LRTM3: variants seen among roughly 807,000 people sequenced by gnomAD.
LRTM3 encodes leucine-rich repeat transmembrane protein 3.
chr13:102,738,566 T>C, the LRTM3 span: 3 of 1,550,790 alleles, frequency 1.9e-6, no homozygotes, highest in Admixed American at 2.0e-5. Context: ...TTTTTCCATT[T>C]TTTGCCTCTG....
the LRTM3 span, chr13:102,737,508 C>T: frequency 6.4e-7 from 1 of 1,550,588 alleles, no homozygotes; most frequent in Non-Finnish European, 8.7e-7. Context: ...TCCCTGTTCC[C>T]TTGCTCCTCA....
At chr13:102,737,554 T>C in the LRTM3 span, 1 of 1,550,934 alleles carries the variant, frequency 6.4e-7, no homozygotes, top group Non-Finnish European at 8.7e-7. Context: ...CCTGGCCTTC[T>C]CCATCCCTTT....
the LRTM3 span, chr13:102,743,768 T>C: frequency 6.5e-7 from 1 of 1,550,354 alleles, no homozygotes; most frequent in Non-Finnish European, 8.7e-7. Context: ...ATTGATTTTA[T>C]GTATCTGTGA....
At chr13:102,730,832 T>G in the LRTM3 span, 5 of 1,551,366 alleles carry the variant, frequency 3.2e-6, no homozygotes, top group African/African-American at 1.4e-5. Context: ...AAAACGAAGG[T>G]ATTTGTATTG....
chr13:102,756,241 C>T, the LRTM3 span, among the ~76,000 whole-genome samples: 3 of 150,550 alleles, frequency 2.0e-5, no homozygotes, highest in Admixed American at 6.6e-5. Context: ...CGTGAGCCAC[C>T]GTGTTACACA....
the LRTM3 span, among the ~76,000 whole-genome samples, chr13:102,751,600 C>A: frequency 1.3e-5 from 2 of 152,036 alleles, no homozygotes; most frequent in Non-Finnish European, 2.9e-5. Flanking sequence ...AGCCTAAAAT[C>A]AAAAACTGAA....
chr13:102,741,501 G>A, the LRTM3 span: 14 of 1,549,292 alleles, frequency 9.0e-6, 1 homozygote, highest in South Asian at 1.3e-4. Context: ...CCCAATACAT[G>A]TGAACTAATT....
the LRTM3 span, chr13:102,750,101 G>T: frequency 5.8e-6 from 9 of 1,550,796 alleles, no homozygotes; most frequent in Admixed American, 9.8e-5. Context: ...TTTCATCATT[G>T]AAAATAATTT....
the LRTM3 span, chr13:102,758,574 C>T: frequency 2.1e-5 from 33 of 1,545,802 alleles, no homozygotes; most frequent in African/African-American, 8.2e-5. Flanking sequence ...AACTGTCTTC[C>T]GTCTATTTTA....
At chr13:102,743,995 T>C in the LRTM3 span, 6 of 1,550,220 alleles carry the variant, frequency 3.9e-6, no homozygotes, top group African/African-American at 1.4e-5. Flanking sequence ...TTCTGTTAGA[T>C]AGAATGCACC....
At chr13:102,737,616 C>T in the LRTM3 span, 7 of 1,550,504 alleles carry the variant, frequency 4.5e-6, no homozygotes, top group African/African-American at 6.9e-5. Flanking sequence ...GCCTTCTTTC[C>T]TTTCAGATCT....
the LRTM3 span, chr13:102,731,774 T>C: frequency 6.4e-7 from 1 of 1,551,172 alleles, no homozygotes; most frequent in Non-Finnish European, 8.7e-7. Context: ...TTTTTGCTGC[T>C]GAACCTTTTG....
chr13:102,738,745 C>T, the LRTM3 span: 3 of 1,550,654 alleles, frequency 1.9e-6, no homozygotes, highest in African/African-American at 1.4e-5. Flanking sequence ...CTATTGTGCC[C>T]ACTTTAGAGT....
chr13:102,731,980 C>T, the LRTM3 span: 118 of 1,551,054 alleles, frequency 7.6e-5, no homozygotes, highest in East Asian at 2.4e-4. Context: ...TTGTTTGTGC[C>T]TTTAAGTATT....
the LRTM3 span, chr13:102,734,778 A>G: frequency 6.4e-6 from 10 of 1,551,154 alleles, no homozygotes; most frequent in Non-Finnish European, 8.7e-6. Flanking sequence ...GATGGCAATG[A>G]AGTAGATTTG....
chr13:102,731,863 T>C, the LRTM3 span: 1 of 1,549,918 alleles, frequency 6.5e-7, no homozygotes, highest in Admixed American at 2.0e-5. Flanking sequence ...ATGGACACTC[T>C]GTGGGTGTCA....
At chr13:102,749,373 T>C in the LRTM3 span, 1 of 1,551,384 alleles carries the variant, frequency 6.4e-7, no homozygotes, top group Non-Finnish European at 8.7e-7. Context: ...GCTTTTACAC[T>C]CCTTAGTTGT....
chr13:102,743,818 AT>A, the LRTM3 span: 65 of 1,550,182 alleles, frequency 4.2e-5, no homozygotes, highest in Non-Finnish European at 5.6e-5. Context: ...AACATTTGGC[AT>A]TGAATATAAT....
the LRTM3 span, chr13:102,734,369 C>T: frequency 6.4e-7 from 1 of 1,551,388 alleles, no homozygotes; most frequent in Non-Finnish European, 8.7e-7. Flanking sequence ...ATGCGTAGCT[C>T]TCTCCAGTTT....
Sources: allele counts gnomAD v4.1 joint callset (sites outside exome capture counted in the v4.1 genomes callset), GRCh38; gene constraint gnomAD v4.1.1; transcripts MANE v1.5; gene names NCBI Gene and HGNC (gene_info 2026-07-23, HGNC 2026-07-21).